Variants in RNF216 observed in about 807,000 individuals in gnomAD.
RNF216 encodes the protein E3 ubiquitin-protein ligase RNF216.
A neutral mutation model predicts 110.8 loss-of-function variants in RNF216; 72 were observed. The observed-to-expected ratio is 0.65, with a 90% confidence interval of 0.54 to 0.79. The LOEUF (loss-of-function observed/expected upper bound fraction) is 0.79, where lower values mean the gene tolerates loss of function less well. Among genes scored for constraint, RNF216 ranks in the 30% least tolerant of loss-of-function variants. The probability of loss-of-function intolerance (pLI) is 0.00; values close to 1 mark genes in which losing one functional copy is unlikely to be tolerated. For missense variants in RNF216, 1,342 were observed against 1,141.2 expected (o/e 1.18, Z -2.54); for synonymous variants, 495 against 407.5 (o/e 1.21, Z -2.59).
At chr7:5,623,767 G>A (rs1224914033) in intron 16 of RNF216, among the ~76,000 whole-genome samples, 1 of 152,162 alleles carries the variant, frequency 6.6e-6, no homozygotes, top group East Asian at 1.9e-4. Flanking sequence ...GATCAGCTGG[G>A]TCTACTTTTC....
intron 3 of RNF216, among the ~76,000 whole-genome samples, chr7:5,746,227 G>A (rs115564463): frequency 1.7e-4 from 26 of 152,294 alleles, no homozygotes; most frequent in African/African-American, 6.3e-4. Context: ...AGGTTAGGCT[G>A]CACTGTGAGA....
At chr7:5,633,282 A>AGCTGGAAGT (rs1376180267) in intron 15 of RNF216, among the ~76,000 whole-genome samples, 1 of 151,674 alleles carries the variant, frequency 6.6e-6, no homozygotes, top group Non-Finnish European at 1.5e-5. Flanking sequence ...CAGCTGGAAG[A>AGCTGGAAGT]GCTGGAAGTA....
intron 13 of RNF216, among the ~76,000 whole-genome samples, chr7:5,661,876 G>C (rs1048920663): frequency 6.6e-6 from 1 of 152,206 alleles, no homozygotes; most frequent in Non-Finnish European, 1.5e-5. Flanking sequence ...CGAGGTCACA[G>C]AGCTTTAGAC....
At chr7:5,714,347 C>G (rs144553722) in intron 11 of RNF216, among the ~76,000 whole-genome samples, 38 of 152,330 alleles carry the variant, frequency 2.5e-4, no homozygotes, top group African/African-American at 7.7e-4. Flanking sequence ...CAACCTCTGC[C>G]TCCCAGATTC....
intron 15 of RNF216, among the ~76,000 whole-genome samples, chr7:5,637,658 T>G (rs1469272950): frequency 6.6e-6 from 1 of 152,152 alleles, no homozygotes; most frequent in African/African-American, 2.4e-5. Flanking sequence ...GCAATCGCCC[T>G]GGAAGGAGCT....
chr7:5,754,706 G>A lies in RNF216; in HGVS notation c.68-1727C>T, dbSNP rs117480862. ...TCTTGAAGAACTGACCCAAGAAAAA[G>A]ACACACAATCTTGGTGTACCCAATG... On this transcript the variant is annotated intron_variant, in intron 2 of 16. Transcript: ENST00000389902. Among the ~76,000 whole-genome samples the A allele has an allele frequency of 2.6e-5, 4 of 152,230 alleles. No homozygotes were observed. In the East Asian group the frequency reaches 7.7e-4, roughly 29 times the overall value.
intron 5 of RNF216, among the ~76,000 whole-genome samples, chr7:5,738,275 G>A (rs569276462): frequency 8.5e-5 from 13 of 152,176 alleles, no homozygotes; most frequent in African/African-American, 3.1e-4. Context: ...CTCCCAGGCT[G>A]GAGTGCAGTA....
chr7:5,731,525 C>T (rs1794089171), intron 5 of RNF216, among the ~76,000 whole-genome samples: 1 of 151,420 alleles, frequency 6.6e-6, no homozygotes, highest in Non-Finnish European at 1.5e-5. Flanking sequence ...ACCACCCAGA[C>T]CCAACACATG....
chr7:5,637,407 A>G (rs1203064324), intron 15 of RNF216, among the ~76,000 whole-genome samples: 1 of 152,176 alleles, frequency 6.6e-6, no homozygotes, highest in Non-Finnish European at 1.5e-5. Context: ...AATCTGAGTG[A>G]TTTTTAGGGG....
rs546706803 is a variant in RNF216 at position 5,714,957 on chromosome 7, A to T, written c.1833+96T>A. The T allele has an allele frequency of 7.0e-6, 8 of 1,138,762 alleles. No individual in the cohort carries two copies. The South Asian group carries it at 1.4e-4, about 20-fold the overall frequency. 70.5% of individuals were successfully genotyped at this position (1,138,762 alleles called of 1,614,324 possible). A position where few individuals can be genotyped will look rare whatever the true frequency, so the allele number is the denominator to read the frequency against. ...AAGCATACCAGCAGAACTCCACCTCACCCTCAAAGAGGCACTTACACTTAT... is the reference window on the plus strand; with the variant it reads ...AAGCATACCAGCAGAACTCCACCTCTCCCTCAAAGAGGCACTTACACTTAT... On this transcript the variant is annotated intron_variant, in intron 11 of 16. Coordinates refer to ENST00000389902, the MANE Select transcript of RNF216 (RefSeq NM_207111.4).
rs764766061 is a variant in RNF216 at position 5,741,036 on chromosome 7, G to A, written c.981C>T (p.Asn327=). ...MQESQEPNLE[N]IWGQEAAEVD... is the part of the protein sequence containing the mutation. ...CCTCTGCAGCTTCTTGCCCCCAAAT[G>A]TTTTCCAAATTGGGCTCTTGAGATT... The change falls in exon 4 of 17, where the codon AAC becomes AAT. Residue 327 remains asparagine, a synonymous_variant. Coordinates refer to ENST00000389902, the MANE Select transcript of RNF216 (RefSeq NM_207111.4). 4 of 1,613,840 alleles carry A rather than the reference G, an allele frequency of 2.5e-6. No individual in the cohort carries two copies. The African/African-American group carries it at 5.3e-5, about 22-fold the overall frequency.
In RNF216 at chr7:5,621,434, AGCCACCGC is replaced by A. The variant is rs1179997224; in HGVS notation, c.*1418_*1425del. 2.6e-5 allele frequency: 4 copies of A among 152,210 alleles called. No individual in the cohort carries two copies. The highest frequency in any genetic ancestry group is 1.3e-4 in the Admixed American group (2 of 15,266). The allele number at this position is 152,210 out of a possible 1,614,324, so 9.4% of individuals were successfully genotyped here. A position where few individuals can be genotyped will look rare whatever the true frequency, so the allele number is the denominator to read the frequency against. On this transcript the variant is annotated 3_prime_UTR_variant, in exon 17 of 17. Transcript: ENST00000389902. ...CCAAAGTGCTGGGATTACAGGCGGGAGCCACCGCGCCGGGCCATCTTAGATCTTAGAGC... is the reference window on the plus strand; with the variant it reads ...CCAAAGTGCTGGGATTACAGGCGGGAGCCGGGCCATCTTAGATCTTAGAGC...
At chr7:5,750,481 A>G (rs544054433) in intron 3 of RNF216, among the ~76,000 whole-genome samples, 1 of 152,380 alleles carries the variant, frequency 6.6e-6, no homozygotes, top group East Asian at 1.9e-4. Flanking sequence ...TACATTTCAA[A>G]AGAAAACTCC....
chr7:5,623,838 C>A (rs546313218), intron 16 of RNF216, among the ~76,000 whole-genome samples: 3 of 152,302 alleles, frequency 2.0e-5, no homozygotes, highest in East Asian at 3.9e-4. Flanking sequence ...GACTTCCTCA[C>A]CATCAAGGAG....
intron 14 of RNF216, among the ~76,000 whole-genome samples, chr7:5,646,133 A>G (rs1035126757): frequency 6.6e-6 from 1 of 152,192 alleles, no homozygotes; most frequent in African/African-American, 2.4e-5. Flanking sequence ...GGTGTTTTGA[A>G]TATTATACTG....
At chr7:5,656,995 C>T (rs560198197) in intron 13 of RNF216, among the ~76,000 whole-genome samples, 5 of 152,314 alleles carry the variant, frequency 3.3e-5, no homozygotes, top group South Asian at 2.1e-4. Context: ...CCAAAGTCAC[C>T]GGGTTCTGTG....
At chr7:5,661,659 C>A (rs1302173005) in intron 13 of RNF216, among the ~76,000 whole-genome samples, 2 of 152,062 alleles carry the variant, frequency 1.3e-5, no homozygotes, top group Non-Finnish European at 2.9e-5. Context: ...AAAAATTAGC[C>A]AGGCGTGGTG....
At chr7:5,766,660 T>C (rs1429055644) in intron 1 of RNF216, among the ~76,000 whole-genome samples, 2 of 152,202 alleles carry the variant, frequency 1.3e-5, no homozygotes, top group Non-Finnish European at 2.9e-5. Context: ...AAATTTGTTT[T>C]AAATGTCACC....
chr7:5,748,365 T>C (rs900224728), intron 3 of RNF216, among the ~76,000 whole-genome samples: 2 of 152,138 alleles, frequency 1.3e-5, no homozygotes, highest in Non-Finnish European at 2.9e-5. Context: ...AGTAACTCAT[T>C]AAGAAACAAG....
Sources: allele counts gnomAD v4.1 joint callset (sites outside exome capture counted in the v4.1 genomes callset), GRCh38; gene constraint gnomAD v4.1.1; transcripts MANE v1.5; gene names NCBI Gene and HGNC (gene_info 2026-07-23, HGNC 2026-07-21).